The following TMEM117 variants were observed in gnomAD, a reference collection of about 807,000 sequenced individuals.
The protein encoded by TMEM117 is transmembrane protein 117.
In TMEM117, 27 loss-of-function variants were observed where a neutral mutation model predicts 52.4. The ratio of observed to expected loss-of-function variants is 0.51; its 90% CI spans 0.38 to 0.71. The LOEUF is 0.71. Ranked by LOEUF, TMEM117 falls within the 30% of genes least tolerant of loss-of-function variation. The pLI is 0.00. For synonymous variants in TMEM117, 215 were observed against 206.3 expected, an observed-to-expected ratio of 1.04 and a Z score of -0.36; for missense variants, 556 against 630.5, an observed-to-expected ratio of 0.88 and a Z score of 1.26.
At chr12:43,879,036 C>T (rs1392581401) in intron 2 of TMEM117, among the ~76,000 whole-genome samples, 1 of 152,062 alleles carries the variant, frequency 6.6e-6, no homozygotes, top group African/African-American at 2.4e-5. Context: ...ATAAGTTTGT[C>T]AAGCATGATC....
At chr12:44,190,362 C>G (rs995754079) in intron 4 of TMEM117, among the ~76,000 whole-genome samples, 3 of 152,080 alleles carry the variant, frequency 2.0e-5, no homozygotes, top group Admixed American at 6.6e-5. Context: ...GGGTGTATAG[C>G]AAATCATCTG....
rs114777540 is a variant in TMEM117 at position 44,281,218 on chromosome 12, C to T, written c.609-18362C>T. 7.4e-3 allele frequency among the ~76,000 whole-genome samples: 1,128 copies of T among 152,152 alleles called. 22 individuals are homozygous for T. The highest frequency in any genetic ancestry group is 0.025 in the African/African-American group (1,041 of 41,520). Reference sequence around the variant, plus strand: ...TGACATTACATCCTTTAAATATTTACGTATAATTTCAGGTAATTTTTGTGT... The same window carrying T: ...TGACATTACATCCTTTAAATATTTATGTATAATTTCAGGTAATTTTTGTGT... On this transcript the variant is annotated intron_variant, in intron 5 of 7. Transcript: ENST00000266534.
intron 4 of TMEM117, among the ~76,000 whole-genome samples, chr12:44,168,624 G>T (rs995858180): frequency 1.4e-4 from 22 of 152,058 alleles, no homozygotes; most frequent in African/African-American, 5.1e-4. Flanking sequence ...AAGCTTTTTT[G>T]ATTTTTTCAT....
intron 6 of TMEM117, among the ~76,000 whole-genome samples, chr12:44,369,974 G>A (rs1345660582): frequency 1.3e-5 from 2 of 152,142 alleles, no homozygotes; most frequent in African/African-American, 4.8e-5. Context: ...CTCCTGCAAT[G>A]TCTCTATTGT....
chr12:44,087,351 TA>T (rs1335867196), intron 3 of TMEM117, among the ~76,000 whole-genome samples: 7 of 152,208 alleles, frequency 4.6e-5, no homozygotes, highest in African/African-American at 1.7e-4. Context: ...AACAATGTGC[TA>T]AACATACAAA....
At chr12:44,287,392 T>G (rs550086145) in intron 5 of TMEM117, among the ~76,000 whole-genome samples, 1 of 152,286 alleles carries the variant, frequency 6.6e-6, no homozygotes, top group Admixed American at 6.5e-5. Flanking sequence ...GGATACTATT[T>G]AAAAAGAGAA....
At chr12:44,264,103 A>G (rs567866605) in intron 5 of TMEM117, 4 of 152,338 alleles carry the variant, frequency 2.6e-5, no homozygotes, top group Admixed American at 2.6e-4. Context: ...ACATATACAA[A>G]AGATTCAGTG....
At chr12:44,027,345 TG>T (rs994361700) in intron 3 of TMEM117, among the ~76,000 whole-genome samples, 5 of 151,792 alleles carry the variant, frequency 3.3e-5, no homozygotes, top group African/African-American at 1.2e-4. Context: ...AGCTAATGTT[TG>T]TATTTTTAGT....
rs142422843 is a variant in TMEM117, at chr12:43,966,376, T to C, written c.410+22034T>C. On this transcript the variant is annotated intron_variant, in intron 3 of 7. Coordinates refer to ENST00000266534, the MANE Select transcript of TMEM117 (RefSeq NM_032256.3). ...ACAACATTACCTAAAAATAGGATGGTTTTTAATTTGTTATTCAAATGAGGA... is the reference window on the plus strand; with the variant it reads ...ACAACATTACCTAAAAATAGGATGGCTTTTAATTTGTTATTCAAATGAGGA... Among the ~76,000 whole-genome samples, 280 of 152,164 alleles carry C rather than the reference T, an allele frequency of 1.8e-3. 3 individuals are homozygous for C. Among genetic ancestry groups the C allele is most frequent in the Non-Finnish European group, 2.2e-3 (147 of 67,994 alleles).
At chr12:43,857,303 T>C (rs1228016275) in intron 2 of TMEM117, among the ~76,000 whole-genome samples, 3 of 118,404 alleles carry the variant, frequency 2.5e-5, no homozygotes, top group African/African-American at 8.1e-5. Context: ...CCAGGGTGCC[T>C]TTCTAGGTAC....
At chr12:43,943,787 T>C (rs1197235277) in intron 2 of TMEM117, among the ~76,000 whole-genome samples, 1 of 152,220 alleles carries the variant, frequency 6.6e-6, no homozygotes, top group Non-Finnish European at 1.5e-5. Flanking sequence ...TTTTATCATC[T>C]GGCCAGTATT....
chr12:43,866,440 C>G (rs1022331745), intron 2 of TMEM117, among the ~76,000 whole-genome samples: 6 of 149,130 alleles, frequency 4.0e-5, no homozygotes, highest in African/African-American at 1.5e-4. Flanking sequence ...TTATGTGAAG[C>G]GGTGCACACC....
intron 3 of TMEM117, among the ~76,000 whole-genome samples, chr12:44,032,092 G>A (rs1946641797): frequency 6.6e-6 from 1 of 152,138 alleles, no homozygotes; most frequent in Non-Finnish European, 1.5e-5. Flanking sequence ...GGTATTTGAT[G>A]GTACAAACCC....
chr12:43,881,424 A>G (rs1020888963), intron 2 of TMEM117, among the ~76,000 whole-genome samples: 5 of 152,338 alleles, frequency 3.3e-5, no homozygotes, highest in African/African-American at 7.2e-5. Context: ...TATATTGATT[A>G]TGTGTTGACA....
rs554128832 is a variant in TMEM117, at chr12:44,278,128, T to G, written c.609-21452T>G. 4.6e-5 allele frequency among the ~76,000 whole-genome samples: 7 copies of G among 152,272 alleles called. No homozygotes were observed. In the South Asian group the frequency reaches 1.5e-3, roughly 32 times the overall value. ...CCCCTACAGATAATCTCCCTTTTGA[T>G]GAACCCAAGGTTATCTGATTAGAAA... is the stretch of plus-strand genomic sequence containing the variant. On this transcript the variant is annotated intron_variant, in intron 5 of 7. Coordinates refer to ENST00000266534, the MANE Select transcript of TMEM117 (RefSeq NM_032256.3).
chr12:43,884,442 A>G (rs1943954952), intron 2 of TMEM117, among the ~76,000 whole-genome samples: 1 of 152,172 alleles, frequency 6.6e-6, no homozygotes, highest in Non-Finnish European at 1.5e-5. Flanking sequence ...TGTTTTAGTG[A>G]TAACTTCTGT....
At chr12:44,183,996 C>T (rs1178567913) in intron 4 of TMEM117, among the ~76,000 whole-genome samples, 1 of 152,132 alleles carries the variant, frequency 6.6e-6, no homozygotes, top group Non-Finnish European at 1.5e-5. Flanking sequence ...AATCTAGATA[C>T]TGCTGGGAAG....
chr12:44,216,953 C>G (rs146326768), intron 5 of TMEM117, among the ~76,000 whole-genome samples: 2,341 of 152,174 alleles, frequency 0.015, 71 homozygotes, highest in African/African-American at 0.053. Flanking sequence ...TAATTCTTAA[C>G]TGGGAAGCAA....
At chr12:43,974,301 T>C (rs989412387) in intron 3 of TMEM117, among the ~76,000 whole-genome samples, 1 of 152,168 alleles carries the variant, frequency 6.6e-6, no homozygotes, top group Non-Finnish European at 1.5e-5. Flanking sequence ...TTAAAGTCTT[T>C]TAAGTATTTT....
Sources: gnomAD v4.1 joint callset for allele counts (sites outside exome capture counted in the v4.1 genomes callset) on GRCh38, gnomAD v4.1.1 for gene constraint, MANE v1.5 for transcripts, NCBI Gene and HGNC (gene_info 2026-07-23, HGNC 2026-07-21) for gene names.